The following RBMS1 variants were observed in gnomAD, a reference collection of about 807,000 sequenced individuals.
The protein encoded by RBMS1 is RNA binding motif single stranded interacting protein 1.
In RBMS1, 17 loss-of-function variants were observed where a neutral mutation model predicts 62.3. The ratio of observed to expected loss-of-function variants is 0.27; its 90% CI spans 0.19 to 0.41. RBMS1 has a LOEUF of 0.41. Among genes scored for constraint, RBMS1 ranks in the 10% least tolerant of loss-of-function variants. RBMS1 has a pLI of 1.00. For synonymous variants in RBMS1, 172 were observed against 170.0 expected (o/e 1.01, Z -0.09); for missense variants, 334 against 504.5 (o/e 0.66, Z 3.24).
intron 1 of RBMS1, among the ~76,000 whole-genome samples, chr2:160,375,123 T>C (rs1392635825): frequency 6.6e-6 from 1 of 152,190 alleles, no homozygotes; most frequent in African/African-American, 2.4e-5. Flanking sequence ...TTCTGGATAG[T>C]GCTGGACAGT....
At chr2:160,319,443 C>T (rs1690426393) in intron 2 of RBMS1, among the ~76,000 whole-genome samples, 2 of 152,108 alleles carry the variant, frequency 1.3e-5, no homozygotes, top group East Asian at 1.9e-4. Flanking sequence ...ACCGGGGAGG[C>T]GGAGATTGCA....
At chr2:160,341,402 TG>T (rs1691867034) in intron 2 of RBMS1, among the ~76,000 whole-genome samples, 1 of 152,126 alleles carries the variant, frequency 6.6e-6, no homozygotes, top group Non-Finnish European at 1.5e-5. Flanking sequence ...TGAGTGACTG[TG>T]GCAGAGGAGA....
At position 160,440,137 on chromosome 2, in the gene RBMS1, G is replaced by C. The variant is rs1356811068; in HGVS notation, c.75+53152C>G. ...CTTTTTTCTTTTTTTCCCTGAGACAGAGTCTCTGTTGCCCAGGCTAGAGTG... is the reference window on the plus strand; with the variant it reads ...CTTTTTTCTTTTTTTCCCTGAGACACAGTCTCTGTTGCCCAGGCTAGAGTG... On this transcript the variant is annotated intron_variant, in intron 1 of 13. Transcript: ENST00000348849. Among the ~76,000 whole-genome samples, 5 of 34,572 alleles carry C rather than the reference G, an allele frequency of 1.4e-4. No homozygotes were observed. The East Asian group carries it at 0.014, about 94-fold the overall frequency. The allele number at this position is 34,572 out of a possible 152,430, so 22.7% of individuals were successfully genotyped here.
At chr2:160,298,968 G>T (rs4569429) in intron 6 of RBMS1, among the ~76,000 whole-genome samples, 29,957 of 151,618 alleles carry the variant, frequency 0.2, 3,548 homozygotes, top group Admixed American at 0.36. Flanking sequence ...ATCCCTCATA[G>T]CCTGGCTTGG....
chr2:160,376,447 T>A (rs1294676503), intron 1 of RBMS1, among the ~76,000 whole-genome samples: 1 of 152,158 alleles, frequency 6.6e-6, no homozygotes, highest in East Asian at 1.9e-4. Flanking sequence ...TAATTTTGTG[T>A]ATAAACATCA....
intron 1 of RBMS1, among the ~76,000 whole-genome samples, chr2:160,453,855 G>A (rs1378516747): frequency 5.3e-5 from 8 of 152,106 alleles, no homozygotes; most frequent in Admixed American, 5.2e-4. Flanking sequence ...CCTGAATCCA[G>A]TATATACTTT....
chr2:160,443,362 T>C (rs1683499016), intron 1 of RBMS1, among the ~76,000 whole-genome samples: 1 of 152,144 alleles, frequency 6.6e-6, no homozygotes, highest in Admixed American at 6.5e-5. Flanking sequence ...GCATGTGCTA[T>C]AGTCTGAATA....
At chr2:160,470,071 T>C (rs1684857154) in intron 1 of RBMS1, among the ~76,000 whole-genome samples, 1 of 152,142 alleles carries the variant, frequency 6.6e-6, no homozygotes, top group African/African-American at 2.4e-5. Flanking sequence ...TGGGTGTAGA[T>C]GTAAAAGAAA....
At chr2:160,405,373 G>A (rs1031113039) in intron 1 of RBMS1, among the ~76,000 whole-genome samples, 1 of 151,596 alleles carries the variant, frequency 6.6e-6, no homozygotes, top group African/African-American at 2.4e-5. Flanking sequence ...TCATCAAAAT[G>A]AACAAACTAA....
chr2:160,424,191 T>C (rs1441770387), intron 1 of RBMS1, among the ~76,000 whole-genome samples: 4 of 151,902 alleles, frequency 2.6e-5, no homozygotes, highest in African/African-American at 9.7e-5. Flanking sequence ...GGCTAATTTT[T>C]GTATTTTTAG....
At chr2:160,313,697 A>C (rs1382089486) in intron 3 of RBMS1, among the ~76,000 whole-genome samples, 1 of 152,240 alleles carries the variant, frequency 6.6e-6, no homozygotes, top group Non-Finnish European at 1.5e-5. Context: ...TTTTGTAGAT[A>C]AACTTGTATT....
At chr2:160,475,820 A>AT (rs2105349905) in intron 1 of RBMS1, among the ~76,000 whole-genome samples, 1 of 149,486 alleles carries the variant, frequency 6.7e-6, no homozygotes, top group South Asian at 2.1e-4. Flanking sequence ...TCCATATGTT[A>AT]TTTTTTAAAT....
chr2:160,331,999 T>A (rs1463122420), intron 2 of RBMS1, among the ~76,000 whole-genome samples: 1 of 152,220 alleles, frequency 6.6e-6, no homozygotes, highest in Non-Finnish European at 1.5e-5. Flanking sequence ...ACTTCTAATT[T>A]TTTTGATAGT....
At chr2:160,393,274 G>A (rs1694955595) in intron 1 of RBMS1, among the ~76,000 whole-genome samples, 1 of 152,124 alleles carries the variant, frequency 6.6e-6, no homozygotes, top group Non-Finnish European at 1.5e-5. Flanking sequence ...TTCTTACTAG[G>A]CATTTCTTAA....
intron 10 of RBMS1, among the ~76,000 whole-genome samples, chr2:160,280,040 A>G (rs1279076918): frequency 6.6e-6 from 1 of 152,248 alleles, no homozygotes; most frequent in Admixed American, 6.5e-5. Context: ...AGCAAGTGGT[A>G]ACACGGAAAT....
chr2:160,426,985 C>T (rs185099756), intron 1 of RBMS1, among the ~76,000 whole-genome samples: 1 of 152,296 alleles, frequency 6.6e-6, no homozygotes, highest in East Asian at 1.9e-4. Context: ...GTTTTGATTC[C>T]TACAAATTGA....
intron 1 of RBMS1, among the ~76,000 whole-genome samples, chr2:160,463,656 G>A (rs1684564429): frequency 1.3e-5 from 2 of 152,130 alleles, no homozygotes; most frequent in African/African-American, 4.8e-5. Flanking sequence ...ATGGTGGCAG[G>A]TGCCTATAAT....
rs185915887 is a variant in RBMS1 at position 160,480,805 on chromosome 2, A to C, written c.75+12484T>G. Among the ~76,000 whole-genome samples the C allele has an allele frequency of 1.1e-4, 16 of 152,288 alleles. No individual in the cohort carries two copies. In the East Asian group the frequency reaches 3.1e-3, roughly 29 times the overall value. Reference sequence around the variant, plus strand: ...TTGCTACAGTAATTAGTATTGACACAAGGATACATATGAAACAGAGCAAGA... The same window carrying C: ...TTGCTACAGTAATTAGTATTGACACCAGGATACATATGAAACAGAGCAAGA... On this transcript the variant is annotated intron_variant, in intron 1 of 13. Transcript: ENST00000348849.
In RBMS1 at chr2:160,493,481, C is replaced by A; in HGVS notation, c.-118G>T. Reference sequence around the variant, plus strand: ...GCAGCGGCGGCGGCGGCGGCGGCTGCTGCTGCTGCCGCTGCTCCACCTCCC... The same window carrying A: ...GCAGCGGCGGCGGCGGCGGCGGCTGATGCTGCTGCCGCTGCTCCACCTCCC... On this transcript the variant is annotated 5_prime_UTR_variant, in exon 1 of 14. Transcript: ENST00000348849. 1.2e-6 allele frequency: 1 copy of A among 846,932 alleles called. No homozygotes were observed. The highest frequency in any genetic ancestry group is 1.4e-5 in the South Asian group (1 of 70,626). The allele number at this position is 846,932 out of a possible 1,614,324, so 52.5% of individuals were successfully genotyped here.
Sources: allele counts gnomAD v4.1 joint callset (sites outside exome capture counted in the v4.1 genomes callset), GRCh38; gene constraint gnomAD v4.1.1; transcripts MANE v1.5; gene names NCBI Gene and HGNC (gene_info 2026-07-23, HGNC 2026-07-21).